DBH: variants seen among roughly 807,000 people sequenced by gnomAD.
DBH encodes the protein dopamine beta-hydroxylase (dopamine beta-monooxygenase).
DBH carries 49 observed loss-of-function variants against 64.0 expected under a neutral mutation model. That is an observed-to-expected ratio of 0.77 (90% CI 0.61 to 0.97). DBH has a LOEUF of 0.97. Ranked by LOEUF, DBH falls within the 50% of genes least tolerant of loss-of-function variation. The pLI, the probability that DBH is intolerant of heterozygous loss-of-function variation, is 0.00. For synonymous variants in DBH, 343 were observed against 347.1 expected (o/e 0.99, Z 0.13); for missense variants, 828 against 826.6 (o/e 1.00, Z -0.02).
Position 133,657,152 on chromosome 9 carries a change from C to A in DBH, c.1645C>A (p.Arg549Ser). 1 of 1,614,054 alleles carries A rather than the reference C, an allele frequency of 6.2e-7. No homozygotes were observed. The highest frequency in any genetic ancestry group is 8.5e-7 in the Non-Finnish European group (1 of 1,180,016). Reference protein sequence around the residue: ...FTSVPWNSFNRDVLKALYSFA... With the variant: ...FTSVPWNSFNSDVLKALYSFA... The stretch of plus-strand genomic sequence containing the variant: ...CTCTGTTCCCTGGAACTCCTTCAAC[C>A]GCGACGTACTGAAGGCCCTGTACAG... The change falls in exon 11 of 12, where the codon CGC becomes AGC. Residue 549 changes from arginine (R) to serine (S), a missense_variant. By Grantham distance (110) the Arg-to-Ser change is moderately radical. Coordinates refer to ENST00000393056, the MANE Select transcript of DBH (RefSeq NM_000787.4).
intron 11 of DBH, among the ~76,000 whole-genome samples, chr9:133,658,068 G>A (rs187899122): frequency 3.0e-4 from 46 of 152,094 alleles, no homozygotes; most frequent in Admixed American, 2.6e-3. Context: ...TAAATTGGGT[G>A]GGGACAGAGG....
intron 2 of DBH, 108 bp downstream of exon 2, chr9:133,640,100 G>A: frequency 6.9e-7 from 1 of 1,454,070 alleles, no homozygotes; most frequent in Non-Finnish European, 9.5e-7. Flanking sequence ...TCTGGGGCCT[G>A]GGCCTGGCCA....
In DBH at chr9:133,642,265, C is replaced by T. The variant is rs776064626; in HGVS notation, c.545C>T (p.Ala182Val). The change falls in exon 3 of 12, where the codon GCC becomes GTC. Residue 182 changes from alanine to valine, a missense_variant. Transcript: ENST00000393056. Reference sequence around the variant, plus strand: ...GAGGAGCCGTTCCGGTCACTGGAGGCCATCAACGGCTCGGGCCTGCAGATG... The same window carrying T: ...GAGGAGCCGTTCCGGTCACTGGAGGTCATCAACGGCTCGGGCCTGCAGATG... Reference protein sequence around the residue: ...ILEEPFRSLEAINGSGLQMGL... With the variant: ...ILEEPFRSLEVINGSGLQMGL... 4 of 1,614,012 alleles carry T rather than the reference C, an allele frequency of 2.5e-6. No homozygotes were observed. The highest frequency in any genetic ancestry group is 3.4e-6 in the Non-Finnish European group (4 of 1,180,010).
At chr9:133,650,305 G>T (rs1042475704) in intron 6 of DBH, among the ~76,000 whole-genome samples, 1 of 152,118 alleles carries the variant, frequency 6.6e-6, no homozygotes. Flanking sequence ...TGGGGCTGTC[G>T]GGACCTTGAG....
At chr9:133,647,532 T>C (rs528653954) in intron 5 of DBH, among the ~76,000 whole-genome samples, 100 of 152,356 alleles carry the variant, frequency 6.6e-4, no homozygotes, top group African/African-American at 2.3e-3. Context: ...CCTGATTCCA[T>C]GGAGGCTTTA....
chr9:133,652,019 C>T (rs1832255553), intron 7 of DBH, among the ~76,000 whole-genome samples: 1 of 152,182 alleles, frequency 6.6e-6, no homozygotes, highest in African/African-American at 2.4e-5. Flanking sequence ...AGGCGGCCCT[C>T]TGGGAACATC....
chr9:133,659,243 A>C lies in DBH; in HGVS notation c.*796A>C, dbSNP rs1832379304. 3 of 152,202 alleles carry C rather than the reference A, an allele frequency of 2.0e-5. No individual in the cohort carries two copies. The highest frequency in any genetic ancestry group is 7.2e-5 in the African/African-American group (3 of 41,438). The allele number at this position is 152,202 out of a possible 1,614,324, so 9.4% of individuals were successfully genotyped here. ...GTGTGCCTTGGGCGGGCCATTTCAC[A>C]TTCCTGACCCTCACTTTTCTCATCT... On this transcript the variant is annotated 3_prime_UTR_variant, in exon 12 of 12. Coordinates refer to ENST00000393056, the MANE Select transcript of DBH (RefSeq NM_000787.4).
rs1303075605 is a variant in DBH at position 133,651,860 on chromosome 9, T to C, written c.1335+83T>C. On this transcript the variant is annotated intron_variant, in intron 7 of 11. Transcript: ENST00000393056. ...CTGGGTCTACTGTTTCCTGACACCA[T>C]AGGGATGGCTCCAGGCTGGCTTCTT... The C allele has an allele frequency of 1.3e-5, 16 of 1,278,358 alleles. 1 individual carries two copies. In the East Asian group the frequency reaches 2.5e-4, roughly 20 times the overall value. The allele number at this position is 1,278,358 out of a possible 1,614,324, so 79.2% of individuals were successfully genotyped here. A position where few individuals can be genotyped will look rare whatever the true frequency, so the allele number is the denominator to read the frequency against.
At chr9:133,640,230 C>T (rs113492515) in intron 2 of DBH, among the ~76,000 whole-genome samples, 17 of 152,328 alleles carry the variant, frequency 1.1e-4, no homozygotes, top group African/African-American at 4.1e-4. Flanking sequence ...TTTGCCAACA[C>T]GTAGCTGACA....
At position 133,644,323 on chromosome 9, in the gene DBH, A is replaced by T; in HGVS notation, c.1024+3A>T. 1 of 1,611,862 alleles carries T rather than the reference A, an allele frequency of 6.2e-7. No homozygotes were observed. Among genetic ancestry groups the T allele is most frequent in the Non-Finnish European group, 8.5e-7 (1 of 1,177,924 alleles). On this transcript the variant is annotated splice_donor_region_variant and intron_variant, in intron 5 of 11. Coordinates refer to ENST00000393056, the MANE Select transcript of DBH (RefSeq NM_000787.4). Reference sequence around the variant, plus strand: ...CCACAACCCACTGGTGATAGAAGGTAGGCGGCTCTGCTGCCATCCTCCTCA... The same window carrying T: ...CCACAACCCACTGGTGATAGAAGGTTGGCGGCTCTGCTGCCATCCTCCTCA...
chr9:133,646,921 C>T (rs1190117341), intron 5 of DBH, among the ~76,000 whole-genome samples: 1 of 152,202 alleles, frequency 6.6e-6, no homozygotes, highest in East Asian at 1.9e-4. Flanking sequence ...GGAGAACTAA[C>T]AGGTGTGGCC....
Position 133,636,490 on chromosome 9 carries a change from C to A in DBH, c.119C>A (p.Ser40Ter). 1 of 1,613,248 alleles carries A rather than the reference C, an allele frequency of 6.2e-7. No individual in the cohort carries two copies. The highest frequency in any genetic ancestry group is 8.5e-7 in the Non-Finnish European group (1 of 1,179,938). ...ATCCTGGTGGCCGCACTGCAGGGCT[C>A]GGCTCCCCGTGAGAGCCCCCTCCCC... ...LVILVAALQG[S>*]APRESPLPYH... is the part of the protein sequence containing the mutation. Residue 40 changes from serine (S) to a stop codon, truncating the protein, a stop_gained, in exon 1 of 12, where the codon TCG (serine) becomes TAG (stop). Transcript: ENST00000393056. LOFTEE classifies it high-confidence loss of function.
intron 6 of DBH, 84 bp from the exon 7 acceptor site, chr9:133,651,550 G>A: frequency 1.3e-6 from 2 of 1,565,656 alleles, no homozygotes; most frequent in Non-Finnish European, 8.7e-7. Flanking sequence ...GCCCAGGGTG[G>A]CTGCTCCCTA....
At chr9:133,652,884 C>T in intron 8 of DBH, 56 bp from the exon 9 acceptor site, 1 of 1,356,096 alleles carries the variant, frequency 7.4e-7, no homozygotes, top group Non-Finnish European at 1.1e-6. Context: ...GCGAGGCCTC[C>T]AGCACCTGCC....
In DBH at chr9:133,636,717, C is replaced by A. The variant is rs1282300714; in HGVS notation, c.339+7C>A. On this transcript the variant is annotated splice_region_variant and intron_variant, in intron 1 of 11. Transcript: ENST00000393056. ...GGACACTGCCTATTTTGCGGTGAGT[C>A]TCTCCTCCCTGCCAGCTCTCCAAAC... The A allele has an allele frequency of 5.6e-6, 9 of 1,598,894 alleles. No individual in the cohort carries two copies. Among genetic ancestry groups the A allele is most frequent in the Middle Eastern group, 3.3e-4 (2 of 6,078 alleles).
At chr9:133,637,247 T>G (rs3025383) in intron 1 of DBH, among the ~76,000 whole-genome samples, 1 of 152,126 alleles carries the variant, frequency 6.6e-6, no homozygotes, top group East Asian at 1.9e-4. Flanking sequence ...CCATAGGTGT[T>G]GAACAAGCCC....
intron 10 of DBH, 129 bp downstream of exon 10, chr9:133,656,779 A>T: frequency 8.3e-7 from 1 of 1,209,876 alleles, no homozygotes; most frequent in Non-Finnish European, 1.2e-6. Context: ...TGGCGGCATC[A>T]CTCACCCCTC....
Position 133,636,589 on chromosome 9 carries a change from A to G in DBH, c.218A>G (p.His73Arg). Reference sequence around the variant, plus strand: ...GTCAGCTACACCCAGGAGGCCATCCATTTCCAGCTCCTGGTGCGGAGGCTC... The same window carrying G: ...GTCAGCTACACCCAGGAGGCCATCCGTTTCCAGCTCCTGGTGCGGAGGCTC... ...WNVSYTQEAIHFQLLVRRLKA... is the reference protein window; with the variant it reads ...WNVSYTQEAIRFQLLVRRLKA... The change falls in exon 1 of 12, where the codon CAT (histidine) becomes CGT (arginine). Residue 73 changes from histidine (H) to arginine (R), a missense_variant. His to Arg is a conservative substitution (Grantham distance 29, BLOSUM62 0). Coordinates refer to ENST00000393056, the MANE Select transcript of DBH (RefSeq NM_000787.4). The G allele has an allele frequency of 6.2e-7, 1 of 1,613,762 alleles. No homozygotes were observed. Among genetic ancestry groups the G allele is most frequent in the Non-Finnish European group, 8.5e-7 (1 of 1,180,004 alleles).
rs1226744570 is a variant in DBH at position 133,640,001 on chromosome 9, T to C, written c.486+9T>C. On this transcript the variant is annotated intron_variant, in intron 2 of 11. Transcript: ENST00000393056. ...AGGATTACCTCATTGAAGTAAGGGG[T>C]GGCCGCGAGTACCCAGGAGGGCGTG... 1 of 1,613,756 alleles carries C rather than the reference T, an allele frequency of 6.2e-7. No individual in the cohort carries two copies. Among genetic ancestry groups the C allele is most frequent in the Non-Finnish European group, 8.5e-7 (1 of 1,179,978 alleles).
Sources: allele counts gnomAD v4.1 joint callset (sites outside exome capture counted in the v4.1 genomes callset), GRCh38; gene constraint gnomAD v4.1.1; transcripts MANE v1.5; gene names NCBI Gene and HGNC (gene_info 2026-07-23, HGNC 2026-07-21).